Variants in ARHGEF3 observed in about 807,000 individuals in gnomAD.
The protein encoded by ARHGEF3 is Rho guanine nucleotide exchange factor 3.
Under a neutral mutation model 63.2 loss-of-function variants are expected in ARHGEF3, and 28 were observed. That is an observed-to-expected ratio of 0.44 (90% CI 0.33 to 0.61). ARHGEF3 has a LOEUF of 0.61. Among genes scored for constraint, ARHGEF3 ranks in the 20% least tolerant of loss-of-function variants. The pLI, the probability that ARHGEF3 is intolerant of heterozygous loss-of-function variation, is 0.03. For synonymous variants in ARHGEF3, 266 were observed against 254.2 expected, an observed-to-expected ratio of 1.05 and a Z score of -0.44; for missense variants, 533 against 659.3, an observed-to-expected ratio of 0.81 and a Z score of 2.10.
intron 2 of ARHGEF3, among the ~76,000 whole-genome samples, chr3:56,758,722 G>A (rs1578431197): frequency 1.3e-5 from 2 of 152,142 alleles, no homozygotes; most frequent in East Asian, 3.9e-4. Context: ...ACAGTCCCTT[G>A]TAAACAGTAA....
chr3:56,911,630 G>A (rs1560043283), intron 3 of ARHGEF3, among the ~76,000 whole-genome samples: 1 of 152,012 alleles, frequency 6.6e-6, no homozygotes, highest in Non-Finnish European at 1.5e-5. Flanking sequence ...CCCTTCCATG[G>A]CTCCTACTTG....
chr3:56,763,923 C>T (rs1437171575), intron 2 of ARHGEF3, among the ~76,000 whole-genome samples: 1 of 152,028 alleles, frequency 6.6e-6, no homozygotes, highest in Non-Finnish European at 1.5e-5. Flanking sequence ...TCCAGACTTT[C>T]TTTAATGAAG....
At chr3:56,878,421 G>C (rs1414110679) in intron 4 of ARHGEF3, among the ~76,000 whole-genome samples, 1 of 152,200 alleles carries the variant, frequency 6.6e-6, no homozygotes, top group Non-Finnish European at 1.5e-5. Context: ...TGGGGGCCCA[G>C]TCAGGGGATT....
intron 4 of ARHGEF3, among the ~76,000 whole-genome samples, chr3:56,841,059 C>T (rs189702410): frequency 1.1e-3 from 167 of 152,248 alleles, no homozygotes; most frequent in Admixed American, 3.2e-3. Flanking sequence ...TGCAAAAACA[C>T]GGAAAACCCC....
intron 2 of ARHGEF3, among the ~76,000 whole-genome samples, chr3:56,983,834 G>T (rs568618129): frequency 5.9e-5 from 9 of 151,552 alleles, no homozygotes; most frequent in Non-Finnish European, 1.3e-4. Context: ...TACTCGGAAG[G>T]CTGAGGCAGG....
At chr3:56,948,991 C>A (rs1374197323) in intron 3 of ARHGEF3, among the ~76,000 whole-genome samples, 6 of 151,992 alleles carry the variant, frequency 3.9e-5, no homozygotes, top group African/African-American at 1.5e-4. Context: ...AATCAATAAA[C>A]GTAATCCAGC....
intron 1 of ARHGEF3, among the ~76,000 whole-genome samples, chr3:56,791,233 A>G (rs2107918060): frequency 6.6e-6 from 1 of 151,770 alleles, no homozygotes; most frequent in East Asian, 1.9e-4. Context: ...TGAGACCCTG[A>G]CTCTAGAAAA....
At chr3:56,747,062 C>CAGAGAGAGAG (rs1247337100) in intron 6 of ARHGEF3, among the ~76,000 whole-genome samples, 2 of 125,884 alleles carry the variant, frequency 1.6e-5, no homozygotes, top group Admixed American at 1.7e-4. Context: ...CGCACACACA[C>CAGAGAGAGAG]ACAGAGAGAG....
chr3:56,986,922 A>C (rs551704796), intron 2 of ARHGEF3, among the ~76,000 whole-genome samples: 1 of 152,108 alleles, frequency 6.6e-6, no homozygotes, highest in Non-Finnish European at 1.5e-5. Flanking sequence ...TGTTTAAAAC[A>C]CTTTGGAGGC....
At chr3:56,891,181 T>TA (rs140569065) in intron 3 of ARHGEF3, among the ~76,000 whole-genome samples, 8,110 of 138,712 alleles carry the variant, frequency 0.058, 633 homozygotes, top group African/African-American at 0.19. Context: ...TTTTAAAAAG[T>TA]AAAAAAAAAA....
At chr3:56,842,644 T>C (rs544608198) in intron 4 of ARHGEF3, among the ~76,000 whole-genome samples, 2 of 152,150 alleles carry the variant, frequency 1.3e-5, no homozygotes, top group African/African-American at 4.8e-5. Flanking sequence ...CCCTGGAAGA[T>C]TACCTAAGCT....
chr3:56,771,332 C>A (rs1015671203), intron 2 of ARHGEF3, among the ~76,000 whole-genome samples: 2 of 152,086 alleles, frequency 1.3e-5, no homozygotes, highest in Non-Finnish European at 2.9e-5. Flanking sequence ...TGTGAAGGAA[C>A]CCCAGAAACA....
chr3:56,746,561 C>T (rs934546869), intron 6 of ARHGEF3, among the ~76,000 whole-genome samples: 3 of 152,040 alleles, frequency 2.0e-5, no homozygotes, highest in African/African-American at 7.2e-5. Context: ...GAAACCCCAT[C>T]TCTACTAAAA....
At chr3:56,969,486 A>G (rs971179061) in intron 2 of ARHGEF3, among the ~76,000 whole-genome samples, 27 of 152,272 alleles carry the variant, frequency 1.8e-4, no homozygotes, top group Admixed American at 1.6e-3. Flanking sequence ...AAAGGTACAT[A>G]TAAGGGCCGG....
At chr3:56,925,766 A>T (rs1312672737) in intron 3 of ARHGEF3, among the ~76,000 whole-genome samples, 1 of 152,216 alleles carries the variant, frequency 6.6e-6, no homozygotes, top group Non-Finnish European at 1.5e-5. Context: ...GGTTCTTACC[A>T]CAATACTCAT....
intron 2 of ARHGEF3, chr3:56,960,909 A>G (rs1700251298): frequency 1.3e-5 from 2 of 152,354 alleles, no homozygotes; most frequent in Non-Finnish European, 2.9e-5. Flanking sequence ...CCTCTCAGTC[A>G]TAACTGGGCT....
chr3:56,887,987 T>C (rs2040979090), intron 3 of ARHGEF3, among the ~76,000 whole-genome samples: 1 of 152,114 alleles, frequency 6.6e-6, no homozygotes, highest in African/African-American at 2.4e-5. Context: ...GCAGCCAAAA[T>C]TAAATCAAAA....
intron 1 of ARHGEF3, among the ~76,000 whole-genome samples, chr3:57,050,855 C>T (rs925226982): frequency 2.0e-5 from 3 of 152,202 alleles, no homozygotes; most frequent in Admixed American, 6.5e-5. Flanking sequence ...TTTAAATCTG[C>T]ATGTCTGTGA....
At chr3:56,944,690 C>T (rs1323585260) in intron 3 of ARHGEF3, among the ~76,000 whole-genome samples, 1 of 148,074 alleles carries the variant, frequency 6.8e-6, no homozygotes, top group Non-Finnish European at 1.5e-5. Context: ...AATTCTCCTG[C>T]CTCAGCCTCC....
Sources: gnomAD v4.1 joint callset for allele counts (sites outside exome capture counted in the v4.1 genomes callset) on GRCh38, gnomAD v4.1.1 for gene constraint, MANE v1.5 for transcripts, NCBI Gene and HGNC (gene_info 2026-07-23, HGNC 2026-07-21) for gene names.